Variants in PTER observed in about 807,000 individuals in gnomAD.
The protein encoded by PTER is phosphotriesterase related, also known as N-acetyltaurine hydrolase.
PTER carries 38 observed loss-of-function variants against 29.6 expected under a neutral mutation model. The ratio of observed to expected loss-of-function variants is 1.28; its 90% CI spans 0.99 to 1.68. The LOEUF is 1.68. Ranked by LOEUF, PTER falls within the 40% of genes most tolerant of loss-of-function variation. PTER has a pLI of 0.00. For missense variants in PTER, 482 were observed against 427.8 expected, an observed-to-expected ratio of 1.13 and a Z score of -1.12; for synonymous variants, 172 against 154.5, an observed-to-expected ratio of 1.11 and a Z score of -0.84.
At chr10:16,468,782 T>C (rs1045900196) in intron 1 of PTER, among the ~76,000 whole-genome samples, 1 of 150,148 alleles carries the variant, frequency 6.7e-6, no homozygotes, top group Non-Finnish European at 1.5e-5. Flanking sequence ...AAAACCAGCC[T>C]GGGCAACACA....
intron 2 of PTER, among the ~76,000 whole-genome samples, chr10:16,485,089 G>A (rs1322684594): frequency 1.3e-5 from 2 of 152,186 alleles, no homozygotes; most frequent in African/African-American, 4.8e-5. Context: ...AAAATCCAAC[G>A]TGATAATAGT....
chr10:16,467,309 C>A (rs1391472443), intron 1 of PTER, among the ~76,000 whole-genome samples: 1 of 152,028 alleles, frequency 6.6e-6, no homozygotes, highest in Non-Finnish European at 1.5e-5. Context: ...TAAACTTTAT[C>A]ATAAGTATGT....
intron 3 of PTER, among the ~76,000 whole-genome samples, chr10:16,491,038 A>T (rs1262147344): frequency 2.6e-5 from 4 of 152,202 alleles, no homozygotes; most frequent in Admixed American, 2.6e-4. Context: ...ATAAAGATAC[A>T]TTACCAGATT....
chr10:16,445,435 A>G (rs901133566), intron 1 of PTER, among the ~76,000 whole-genome samples: 33 of 152,182 alleles, frequency 2.2e-4, no homozygotes, highest in African/African-American at 7.5e-4. Context: ...AAAGAAAATT[A>G]TTATTGAAAC....
Position 16,449,302 on chromosome 10 carries a change from C to T in PTER, c.-49+12255C>T, listed in dbSNP as rs1344520792. ...TCTAAGCCAATTCTGCATTCTGGTACTAGGGAAATTACCACATGGTGAGTC... is the reference window on the plus strand; with the variant it reads ...TCTAAGCCAATTCTGCATTCTGGTATTAGGGAAATTACCACATGGTGAGTC... On this transcript the variant is annotated intron_variant, in intron 1 of 4. Transcript: ENST00000535784. Among the ~76,000 whole-genome samples the T allele has an allele frequency of 2.0e-5, 3 of 152,068 alleles. No individual in the cohort carries two copies. In the East Asian group the frequency reaches 5.8e-4, roughly 29 times the overall value.
intron 1 of PTER, among the ~76,000 whole-genome samples, chr10:16,447,994 T>A (rs958297296): frequency 1.3e-5 from 2 of 152,216 alleles, no homozygotes; most frequent in Non-Finnish European, 1.5e-5. Context: ...GTGTACACCC[T>A]ACTTTCTGGT....
chr10:16,460,616 A>G (rs778942620), intron 1 of PTER, among the ~76,000 whole-genome samples: 7 of 152,224 alleles, frequency 4.6e-5, no homozygotes, highest in Non-Finnish European at 7.3e-5. Flanking sequence ...CTTGGATGAC[A>G]TTTAATAATT....
intron 3 of PTER, among the ~76,000 whole-genome samples, chr10:16,495,464 C>T (rs1035002464): frequency 1.3e-5 from 2 of 152,114 alleles, no homozygotes; most frequent in African/African-American, 4.8e-5. Flanking sequence ...GCCACCATGC[C>T]CAACCTTCAA....
chr10:16,454,511 G>A (rs1834324002), intron 1 of PTER, among the ~76,000 whole-genome samples: 1 of 151,910 alleles, frequency 6.6e-6, no homozygotes, highest in African/African-American at 2.4e-5. Context: ...GGGAGGCAGA[G>A]GTTGCAATGA....
At chr10:16,471,666 C>T (rs1290585095) in intron 1 of PTER, among the ~76,000 whole-genome samples, 1 of 152,024 alleles carries the variant, frequency 6.6e-6, no homozygotes, top group Non-Finnish European at 1.5e-5. Context: ...TTTTTTTCTT[C>T]ACATCAAAGA....
chr10:16,454,310 C>T (rs1410370946), intron 1 of PTER, among the ~76,000 whole-genome samples: 1 of 152,090 alleles, frequency 6.6e-6, no homozygotes, highest in Non-Finnish European at 1.5e-5. Context: ...CACGGTGGCT[C>T]ACGCCTGTAA....
rs191508622 is a variant in PTER at position 16,511,310 on chromosome 10, G to A, written c.*54G>A. On this transcript the variant is annotated 3_prime_UTR_variant, in exon 5 of 5. Transcript: ENST00000535784. ...GTATAAAACTTGCAGAGAACATTCA[G>A]CGATTTCCAGTCCACTGTGAGATAT... 8 of 1,456,076 alleles carry A rather than the reference G, an allele frequency of 5.5e-6. No homozygotes were observed. The East Asian group carries it at 1.8e-4, about 33-fold the overall frequency. The allele number at this position is 1,456,076 out of a possible 1,614,324, so 90.2% of individuals were successfully genotyped here. A position where few individuals can be genotyped will look rare whatever the true frequency, so the allele number is the denominator to read the frequency against.
chr10:16,450,078 C>A (rs1362185061), intron 1 of PTER, among the ~76,000 whole-genome samples: 1 of 152,190 alleles, frequency 6.6e-6, no homozygotes, highest in East Asian at 1.9e-4. Flanking sequence ...CCTTAATATC[C>A]ATTCCCATGC....
chr10:16,473,224 A>C (rs142659761), intron 1 of PTER, among the ~76,000 whole-genome samples: 2 of 152,226 alleles, frequency 1.3e-5, no homozygotes, highest in African/African-American at 4.8e-5. Flanking sequence ...TTGGGAATAA[A>C]GGAGGCCTTC....
chr10:16,473,186 A>T (rs754580642), intron 1 of PTER, among the ~76,000 whole-genome samples: 14 of 152,112 alleles, frequency 9.2e-5, no homozygotes, highest in Non-Finnish European at 1.8e-4. Context: ...TCACTGATGC[A>T]AAATAAACAC....
At position 16,512,686 on chromosome 10, in the gene PTER, G is replaced by A. The variant is rs886577661; in HGVS notation, c.*1430G>A. 1 of 151,924 alleles carries A rather than the reference G, an allele frequency of 6.6e-6. No homozygotes were observed. Among genetic ancestry groups the A allele is most frequent in the Non-Finnish European group, 1.5e-5 (1 of 67,952 alleles). The allele number at this position is 151,924 out of a possible 1,614,324, so 9.4% of individuals were successfully genotyped here. On this transcript the variant is annotated 3_prime_UTR_variant, in exon 5 of 5. Coordinates refer to ENST00000535784, the MANE Select transcript of PTER (RefSeq NM_001261836.2). The stretch of plus-strand genomic sequence containing the variant: ...GGAACAGAAAGTAACAAAGAGGAAT[G>A]AGCCAGGAGAACAAACTAATTCCTT...
intron 1 of PTER, among the ~76,000 whole-genome samples, chr10:16,458,151 A>G (rs538379872): frequency 6.6e-6 from 1 of 152,326 alleles, no homozygotes; most frequent in South Asian, 2.1e-4. Context: ...ATATTCAATT[A>G]AAGATTGTAG....
intron 3 of PTER, among the ~76,000 whole-genome samples, chr10:16,502,175 C>T (rs1455899762): frequency 6.6e-6 from 1 of 152,162 alleles, no homozygotes; most frequent in Non-Finnish European, 1.5e-5. Flanking sequence ...CAACCTGTAA[C>T]TGGTGACTCC....
At chr10:16,503,065 C>CTTTTTTTTTT (rs541383811) in intron 3 of PTER, among the ~76,000 whole-genome samples, 3 of 69,432 alleles carry the variant, frequency 4.3e-5, no homozygotes, top group Admixed American at 2.6e-4. Flanking sequence ...CATGATAGTG[C>CTTTTTTTTTT]TTTTTTTTTT....
Sources: gnomAD v4.1 joint callset for allele counts (sites outside exome capture counted in the v4.1 genomes callset) on GRCh38, gnomAD v4.1.1 for gene constraint, MANE v1.5 for transcripts, NCBI Gene and HGNC (gene_info 2026-07-23, HGNC 2026-07-21) for gene names.